The following DGKI variants were observed in gnomAD, a reference collection of about 807,000 sequenced individuals.
DGKI encodes the protein diacylglycerol kinase iota, also known as DAG kinase iota.
Under a neutral mutation model 147.5 loss-of-function variants are expected in DGKI, and 55 were observed. The ratio of observed to expected loss-of-function variants is 0.37; its 90% CI spans 0.30 to 0.47. The LOEUF (loss-of-function observed/expected upper bound fraction) is 0.47, where lower values mean the gene tolerates loss of function less well. Ranked by LOEUF, DGKI falls within the 20% of genes least tolerant of loss-of-function variation. The pLI is 1.00. For missense variants in DGKI, 1,007 were observed against 1,323.8 expected (o/e 0.76, Z 3.71); for synonymous variants, 469 against 477.1 (o/e 0.98, Z 0.22).
rs536316248 is a variant in DGKI at position 137,684,959 on chromosome 7, A to C, written c.510+4935T>G. Among the ~76,000 whole-genome samples, 18 of 152,262 alleles carry C rather than the reference A, an allele frequency of 1.2e-4. 1 individual carries two copies. The highest frequency in any genetic ancestry group is 1.0e-3 in the South Asian group (5 of 4,822). ...CACGCACAAACACGCATGCACACACACAGCCCTGCCTCCTTCTGGCTTTTC... is the reference window on the plus strand; with the variant it reads ...CACGCACAAACACGCATGCACACACCCAGCCCTGCCTCCTTCTGGCTTTTC... On this transcript the variant is annotated intron_variant, in intron 2 of 32. Coordinates refer to ENST00000614521, the MANE Select transcript of DGKI (RefSeq NM_001321708.2).
At chr7:137,432,303 A>G (rs577793963) in intron 28 of DGKI, among the ~76,000 whole-genome samples, 1 of 152,326 alleles carries the variant, frequency 6.6e-6, no homozygotes, top group Admixed American at 6.5e-5. Flanking sequence ...ATTGGGCTGT[A>G]ACCTGCAGGA....
intron 28 of DGKI, among the ~76,000 whole-genome samples, chr7:137,422,666 G>A (rs1285722038): frequency 8.8e-5 from 11 of 124,932 alleles, no homozygotes; most frequent in African/African-American, 2.7e-4. Context: ...GTGCAGTGGC[G>A]CCATCTCAGC....
rs111511199 is a variant in DGKI, at chr7:137,552,363, A to C, written c.2147+6T>G. ...GTTAAGCAAGGTAGGCCATGAGCAGACTCACTCATTGAGTAAAGGCATGGA... is the reference window on the plus strand; with the variant it reads ...GTTAAGCAAGGTAGGCCATGAGCAGCCTCACTCATTGAGTAAAGGCATGGA... On this transcript the variant is annotated splice_donor_region_variant and intron_variant, in intron 20 of 32. Transcript: ENST00000614521. 6.2e-7 allele frequency: 1 copy of C among 1,612,406 alleles called. No homozygotes were observed. The highest frequency in any genetic ancestry group is 8.5e-7 in the Non-Finnish European group (1 of 1,179,966).
chr7:137,599,007 A>AT (rs1819892990), intron 11 of DGKI, among the ~76,000 whole-genome samples: 1 of 152,170 alleles, frequency 6.6e-6, no homozygotes, highest in Non-Finnish European at 1.5e-5. Flanking sequence ...TAATTTATCC[A>AT]TTTTATACAA....
chr7:137,831,083 C>T (rs1798203330), intron 1 of DGKI, among the ~76,000 whole-genome samples: 1 of 152,130 alleles, frequency 6.6e-6, no homozygotes. Context: ...TTTCCTATAA[C>T]AAAAACTCTC....
intron 1 of DGKI, among the ~76,000 whole-genome samples, chr7:137,748,064 C>A (rs1282566745): frequency 2.6e-5 from 4 of 152,096 alleles, no homozygotes; most frequent in African/African-American, 9.7e-5. Flanking sequence ...CAAATTCAGG[C>A]TCTTCTGACT....
At chr7:137,606,854 C>A (rs1207980246) in intron 10 of DGKI, among the ~76,000 whole-genome samples, 1 of 152,172 alleles carries the variant, frequency 6.6e-6, no homozygotes, top group Admixed American at 6.5e-5. Flanking sequence ...GGCATCATGA[C>A]ATCTGTTCTT....
intron 1 of DGKI, among the ~76,000 whole-genome samples, chr7:137,762,520 T>C (rs1795888710): frequency 6.6e-6 from 1 of 152,244 alleles, no homozygotes; most frequent in African/African-American, 2.4e-5. Flanking sequence ...TTGATGAGCA[T>C]TGCAAATTGG....
intron 21 of DGKI, among the ~76,000 whole-genome samples, chr7:137,508,694 G>C (rs1032868283): frequency 6.6e-6 from 1 of 152,062 alleles, no homozygotes; most frequent in Non-Finnish European, 1.5e-5. Flanking sequence ...CCAGGAGCTA[G>C]AAGTCATTTT....
rs1254949572 is a variant in DGKI at position 137,384,684 on chromosome 7, C to T, written c.*6536G>A. ...CTGAAGCTCAAACATGTCAATACAT[C>T]ATAACGCTAAAGCACTTTTTAATTC... On this transcript the variant is annotated 3_prime_UTR_variant, in exon 33 of 33. Coordinates refer to ENST00000614521, the MANE Select transcript of DGKI (RefSeq NM_001321708.2). The T allele has an allele frequency of 6.6e-6, 1 of 152,046 alleles. No homozygotes were observed. Among genetic ancestry groups the T allele is most frequent in the Non-Finnish European group, 1.5e-5 (1 of 67,972 alleles). 9.4% of individuals were successfully genotyped at this position (152,046 alleles called of 1,614,324 possible). A position where few individuals can be genotyped will look rare whatever the true frequency, so the allele number is the denominator to read the frequency against.
chr7:137,566,901 C>G (rs1818604555), intron 19 of DGKI, among the ~76,000 whole-genome samples: 2 of 104,994 alleles, frequency 1.9e-5, no homozygotes, highest in South Asian at 7.2e-4. Flanking sequence ...GAGATATTCT[C>G]TCTTTTATGT....
At chr7:137,446,755 G>A (rs1477724493) in intron 27 of DGKI, among the ~76,000 whole-genome samples, 1 of 152,080 alleles carries the variant, frequency 6.6e-6, no homozygotes, top group Admixed American at 6.5e-5. Context: ...GAGAGAGAGG[G>A]AGGGGAAAGA....
intron 20 of DGKI, among the ~76,000 whole-genome samples, chr7:137,540,741 C>G (rs1191026766): frequency 1.2e-4 from 3 of 25,288 alleles, no homozygotes; most frequent in African/African-American, 1.7e-4. Flanking sequence ...CAATTGGAAA[C>G]AAACATTTTA....
rs564274816 is a variant in DGKI at position 137,383,761 on chromosome 7, T to A, written c.*7459A>T. The A allele has an allele frequency of 2.6e-5, 4 of 152,070 alleles. No individual in the cohort carries two copies. The highest frequency in any genetic ancestry group is 5.9e-5 in the Non-Finnish European group (4 of 67,964). The allele number at this position is 152,070 out of a possible 1,614,324, so 9.4% of individuals were successfully genotyped here. On this transcript the variant is annotated 3_prime_UTR_variant, in exon 33 of 33. Coordinates refer to ENST00000614521, the MANE Select transcript of DGKI (RefSeq NM_001321708.2). ...TTACTGCTCTTTTCTTTCCTTATTT[T>A]ATTCTACAAATCATCTTCCCTGCAG...
rs1489636357 is a variant in DGKI, at chr7:137,753,976, A to C, written c.402-63974T>G. Among the ~76,000 whole-genome samples, 3 of 152,042 alleles carry C rather than the reference A, an allele frequency of 2.0e-5. No homozygotes were observed. In the East Asian group the frequency reaches 5.8e-4, roughly 29 times the overall value. ...ATTAAAAAAGAGGAGGAGGAGGAGG[A>C]GCGTGGAGGGGGAGGAGAAGAAGAA... On this transcript the variant is annotated intron_variant, in intron 1 of 32. Coordinates refer to ENST00000614521, the MANE Select transcript of DGKI (RefSeq NM_001321708.2).
intron 20 of DGKI, among the ~76,000 whole-genome samples, chr7:137,549,591 G>T (rs1817978645): frequency 6.6e-6 from 1 of 152,176 alleles, no homozygotes; most frequent in Non-Finnish European, 1.5e-5. Context: ...AGACAGGAAG[G>T]CAGGAAATAA....
At chr7:137,412,437 A>G (rs770916124) in intron 28 of DGKI, among the ~76,000 whole-genome samples, 3 of 152,174 alleles carry the variant, frequency 2.0e-5, no homozygotes, top group Non-Finnish European at 2.9e-5. Context: ...GCCTTGGTAC[A>G]GTAAATATTT....
At chr7:137,420,306 G>A (rs113906086) in intron 28 of DGKI, among the ~76,000 whole-genome samples, 7 of 152,292 alleles carry the variant, frequency 4.6e-5, no homozygotes, top group East Asian at 1.9e-4. Flanking sequence ...GAGAGAGAGC[G>A]TAGATCCCAC....
At chr7:137,631,021 A>C (rs1426265778) in intron 6 of DGKI, among the ~76,000 whole-genome samples, 4 of 152,222 alleles carry the variant, frequency 2.6e-5, no homozygotes, top group Non-Finnish European at 5.9e-5. Context: ...AAATAGTTTA[A>C]ATATTTTTGA....
Sources: allele counts gnomAD v4.1 joint callset (sites outside exome capture counted in the v4.1 genomes callset), GRCh38; gene constraint gnomAD v4.1.1; transcripts MANE v1.5; gene names NCBI Gene and HGNC (gene_info 2026-07-23, HGNC 2026-07-21).